The following ASCC1 variants were observed in gnomAD, a reference collection of about 807,000 sequenced individuals.
The protein encoded by ASCC1 is ASC-1 complex subunit P50.
A neutral mutation model predicts 46.6 loss-of-function variants in ASCC1; 35 were observed. The observed-to-expected ratio is 0.75, with a 90% CI of 0.57 to 0.99. The LOEUF (loss-of-function observed/expected upper bound fraction) is 0.99. Among genes scored for constraint, ASCC1 ranks in the 50% least tolerant of loss-of-function variants. The pLI is 0.00. For missense variants in ASCC1, 376 were observed against 428.7 expected (o/e 0.88, Z 1.09); for synonymous variants, 143 against 146.6 (o/e 0.98, Z 0.18).
At chr10:72,142,944 C>T (rs547167331) in intron 7 of ASCC1, among the ~76,000 whole-genome samples, 156 of 476 alleles carry the variant, frequency 0.33, no homozygotes, top group African/African-American at 0.44. Context: ...GGGTGGATCA[C>T]GAGTCAGGAG....
chr10:72,195,497 G>A (rs1423675711), intron 5 of ASCC1, among the ~76,000 whole-genome samples: 2 of 151,604 alleles, frequency 1.3e-5, no homozygotes, highest in African/African-American at 4.8e-5. Context: ...ATGGTAGAAT[G>A]ATTACGCTTT....
chr10:72,183,022 A>AG, intron 5 of ASCC1, among the ~76,000 whole-genome samples: 1 of 150,538 alleles, frequency 6.6e-6, no homozygotes, highest in Non-Finnish European at 1.5e-5. Context: ...AAAGGCTGCC[A>AG]GATAAGAATG....
intron 9 of ASCC1, among the ~76,000 whole-genome samples, chr10:72,103,849 A>G (rs1182392494): frequency 3.3e-5 from 5 of 152,108 alleles, no homozygotes; most frequent in Non-Finnish European, 7.4e-5. Flanking sequence ...TCCTCCAACC[A>G]TACTTCTCCA....
At chr10:72,180,026 CGGCATTTTA>C (rs1470768172) in intron 5 of ASCC1, among the ~76,000 whole-genome samples, 2 of 152,170 alleles carry the variant, frequency 1.3e-5, no homozygotes, top group African/African-American at 4.8e-5. Context: ...CCTGTAATCT[CGGCATTTTA>C]GGAGGCCAAG....
At chr10:72,148,635 G>A (rs1216459311) in intron 7 of ASCC1, among the ~76,000 whole-genome samples, 1 of 152,170 alleles carries the variant, frequency 6.6e-6, no homozygotes, top group African/African-American at 2.4e-5. Flanking sequence ...GATGAAATTG[G>A]TAGTGATATT....
At chr10:72,195,562 TA>T (rs200726591) in intron 5 of ASCC1, among the ~76,000 whole-genome samples, 7,533 of 149,690 alleles carry the variant, frequency 0.05, 446 homozygotes, top group East Asian at 0.13. Flanking sequence ...TTATTTTATT[TA>T]TTTTTTTTTT....
chr10:72,121,579 C>T (rs1277323594), intron 9 of ASCC1, among the ~76,000 whole-genome samples: 1 of 149,438 alleles, frequency 6.7e-6, no homozygotes, highest in African/African-American at 2.5e-5. Context: ...CTAACACTAA[C>T]TGAAAGAAAG....
chr10:72,131,079 T>A, intron 8 of ASCC1, among the ~76,000 whole-genome samples: 1 of 152,180 alleles, frequency 6.6e-6, no homozygotes, highest in East Asian at 1.9e-4. Context: ...TACATAGATA[T>A]TGAAAATATT....
chr10:72,180,002 T>C (rs1446254751), intron 5 of ASCC1, among the ~76,000 whole-genome samples: 1 of 152,000 alleles, frequency 6.6e-6, no homozygotes, highest in African/African-American at 2.4e-5. Context: ...ACCGGCCGGG[T>C]ACGGTGGCTC....
rs533434303 is a variant in ASCC1, at chr10:72,120,594, A to AC, written c.957+7487_957+7488insG. 6.5e-3 allele frequency among the ~76,000 whole-genome samples: 955 copies of AC among 147,734 alleles called. 6 individuals carry two copies. Among genetic ancestry groups the AC allele is most frequent in the African/African-American group, 0.022 (910 of 40,724 alleles). On this transcript the variant is annotated intron_variant, in intron 9 of 9. Coordinates refer to ENST00000672957, the MANE Select transcript of ASCC1 (RefSeq NM_001198800.3). Reference sequence around the variant, plus strand: ...AGAGTACCAAGCAGAATAAAGACCAAAAAAAAAAAAAAAATTGTACCTAGG... The same window carrying AC: ...AGAGTACCAAGCAGAATAAAGACCAACAAAAAAAAAAAAAATTGTACCTAGG...
intron 9 of ASCC1, among the ~76,000 whole-genome samples, chr10:72,117,092 C>T (rs145031329): frequency 6.6e-5 from 10 of 152,148 alleles, no homozygotes; most frequent in African/African-American, 2.4e-4. Context: ...GCCACCATGC[C>T]TGGCTTTTTA....
At chr10:72,110,604 T>C (rs1407160835) in intron 9 of ASCC1, among the ~76,000 whole-genome samples, 1 of 152,154 alleles carries the variant, frequency 6.6e-6, no homozygotes, top group African/African-American at 2.4e-5. Flanking sequence ...CTAACCAACA[T>C]GGTGAAACCC....
chr10:72,181,152 G>A (rs1852554008), intron 5 of ASCC1, among the ~76,000 whole-genome samples: 1 of 152,156 alleles, frequency 6.6e-6, no homozygotes, highest in Non-Finnish European at 1.5e-5. Context: ...TTTTAGTGGA[G>A]ACAGGGTTTT....
chr10:72,103,422 G>A (rs576168017), intron 9 of ASCC1, among the ~76,000 whole-genome samples: 36 of 152,214 alleles, frequency 2.4e-4, no homozygotes, highest in Non-Finnish European at 3.8e-4. Context: ...GTGAGCCACC[G>A]CGCCCGGCCA....
chr10:72,124,156 A>C (rs1844560098), intron 9 of ASCC1, among the ~76,000 whole-genome samples: 1 of 152,262 alleles, frequency 6.6e-6, no homozygotes, highest in South Asian at 2.1e-4. Flanking sequence ...CTAGAGATTT[A>C]AAACATATTT....
intron 1 of ASCC1, among the ~76,000 whole-genome samples, chr10:72,215,127 G>A (rs746830199): frequency 6.6e-6 from 1 of 152,202 alleles, no homozygotes; most frequent in African/African-American, 2.4e-5. Flanking sequence ...GCCAACGTGG[G>A]CGCGGTGGCT....
In ASCC1 at chr10:72,213,293, T is replaced by C; in HGVS notation, c.6A>G (p.Glu2=). The change falls in exon 2 of 10, where the codon GAA becomes GAG. Residue 2 remains glutamate, a synonymous_variant. Coordinates refer to ENST00000672957, the MANE Select transcript of ASCC1 (RefSeq NM_001198800.3). The part of the protein sequence containing the change: M[E]VLRPQLIRID... ...TTCTTATAAGCTGTGGACGCAGAAC[T>C]TCCATGACACTTTCTCCAAATGATA... 6.2e-7 allele frequency: 1 copy of C among 1,609,464 alleles called. No individual in the cohort carries two copies. The highest frequency in any genetic ancestry group is 8.5e-7 in the Non-Finnish European group (1 of 1,175,924).
intron 5 of ASCC1, among the ~76,000 whole-genome samples, chr10:72,176,332 T>C (rs962426082): frequency 6.6e-6 from 1 of 152,120 alleles, no homozygotes; most frequent in East Asian, 1.9e-4. Context: ...GCTTAAAATC[T>C]TAACTAGTTT....
chr10:72,153,131 C>A, intron 6 of ASCC1, 143 bp from the exon 7 acceptor site: 2 of 1,072,922 alleles, frequency 1.9e-6, no homozygotes, highest in Admixed American at 2.5e-5. Flanking sequence ...TTTTTCCTAA[C>A]ATTATCTAAT....
Sources: allele counts gnomAD v4.1 joint callset (sites outside exome capture counted in the v4.1 genomes callset), GRCh38; gene constraint gnomAD v4.1.1; transcripts MANE v1.5; gene names NCBI Gene and HGNC (gene_info 2026-07-23, HGNC 2026-07-21).